Variants in NAALADL2 observed in about 807,000 individuals in gnomAD.
The protein encoded by NAALADL2 is N-acetylated alpha-linked acidic dipeptidase like 2, also known as inactive N-acetylated-alpha-linked acidic dipeptidase-like protein 2.
A neutral mutation model predicts 87.2 loss-of-function variants in NAALADL2; 76 were observed. The ratio of observed to expected loss-of-function variants is 0.87; its 90% CI spans 0.72 to 1.05. The LOEUF (loss-of-function observed/expected upper bound fraction) is 1.05. Among genes scored for constraint, NAALADL2 ranks in the 50% least tolerant of loss-of-function variants. The pLI is 0.00. For missense variants in NAALADL2, 1,089 were observed against 945.8 expected (o/e 1.15, Z -1.99); for synonymous variants, 354 against 331.0 (o/e 1.07, Z -0.75).
intron 3 of NAALADL2, among the ~76,000 whole-genome samples, chr3:174,840,395 T>A (rs1723885880): frequency 3.3e-5 from 5 of 152,132 alleles, no homozygotes; most frequent in Admixed American, 3.3e-4. Flanking sequence ...AGTCGGAAGA[T>A]AGGGTCATGT....
At chr3:175,673,295 C>T (rs887501163) in intron 11 of NAALADL2, among the ~76,000 whole-genome samples, 5 of 152,198 alleles carry the variant, frequency 3.3e-5, no homozygotes, top group African/African-American at 7.2e-5. Context: ...ATTGCTTTGC[C>T]TGCCAAATTA....
At chr3:174,903,741 G>A (rs1208626760) in intron 1 of NAALADL2, among the ~76,000 whole-genome samples, 1 of 151,902 alleles carries the variant, frequency 6.6e-6, no homozygotes. Flanking sequence ...AGGATGCAGT[G>A]TTCCCTGGAT....
At chr3:175,721,402 G>A (rs1239578754) in intron 11 of NAALADL2, among the ~76,000 whole-genome samples, 1 of 151,990 alleles carries the variant, frequency 6.6e-6, no homozygotes, top group Admixed American at 6.6e-5. Flanking sequence ...GTTGTAAATA[G>A]TTTAAAAATT....
intron 6 of NAALADL2, among the ~76,000 whole-genome samples, chr3:175,463,160 G>T (rs1723412995): frequency 1.3e-5 from 2 of 152,058 alleles, no homozygotes; most frequent in Non-Finnish European, 2.9e-5. Flanking sequence ...TCTATTTATG[G>T]CTCTGAGGTT....
chr3:174,465,770 T>C (rs1411883488), intron 1 of NAALADL2, among the ~76,000 whole-genome samples: 1 of 152,242 alleles, frequency 6.6e-6, no homozygotes, highest in East Asian at 1.9e-4. Flanking sequence ...ATTTTTTACT[T>C]GTGGTCTTAC....
At chr3:175,332,409 C>T (rs902743115) in intron 5 of NAALADL2, among the ~76,000 whole-genome samples, 1 of 152,120 alleles carries the variant, frequency 6.6e-6, no homozygotes, top group African/African-American at 2.4e-5. Context: ...ACAAGTGATC[C>T]TCCCACCTCA....
At chr3:175,200,466 C>T (rs1013799330) in intron 2 of NAALADL2, among the ~76,000 whole-genome samples, 1 of 152,070 alleles carries the variant, frequency 6.6e-6, no homozygotes, top group African/African-American at 2.4e-5. Flanking sequence ...GAATTAAATG[C>T]ACTGACAGAG....
intron 1 of NAALADL2, among the ~76,000 whole-genome samples, chr3:174,977,121 T>C (rs1194406139): frequency 6.6e-6 from 1 of 152,128 alleles, no homozygotes; most frequent in Non-Finnish European, 1.5e-5. Flanking sequence ...CTGTGCTAAA[T>C]GAAATAAGCC....
intron 1 of NAALADL2, among the ~76,000 whole-genome samples, chr3:175,047,492 T>G (rs1754828884): frequency 6.6e-6 from 1 of 152,210 alleles, no homozygotes; most frequent in African/African-American, 2.4e-5. Flanking sequence ...GGGGATTTTC[T>G]GATATTGAGA....
At chr3:175,274,367 A>G (rs1228646680) in intron 4 of NAALADL2, among the ~76,000 whole-genome samples, 1 of 152,246 alleles carries the variant, frequency 6.6e-6, no homozygotes, top group African/African-American at 2.4e-5. Flanking sequence ...TGAACAAACC[A>G]TATCACATTA....
At chr3:175,597,342 C>A (rs772393641) in intron 10 of NAALADL2, among the ~76,000 whole-genome samples, 5 of 151,948 alleles carry the variant, frequency 3.3e-5, no homozygotes, top group Non-Finnish European at 7.4e-5. Context: ...ATCAATACTG[C>A]AAGACCATGT....
chr3:175,760,476 G>C (rs1340177829), intron 13 of NAALADL2, among the ~76,000 whole-genome samples: 1 of 152,184 alleles, frequency 6.6e-6, no homozygotes, highest in Non-Finnish European at 1.5e-5. Flanking sequence ...ACTGAACTTG[G>C]TCAGCAATGG....
chr3:174,725,301 T>C (rs1732079172), intron 2 of NAALADL2, among the ~76,000 whole-genome samples: 1 of 152,168 alleles, frequency 6.6e-6, no homozygotes, highest in Non-Finnish European at 1.5e-5. Context: ...AGATTAGTAC[T>C]ACAAAATAAT....
intron 9 of NAALADL2, among the ~76,000 whole-genome samples, chr3:175,524,905 A>G (rs1733167003): frequency 6.6e-6 from 1 of 152,156 alleles, no homozygotes; most frequent in African/African-American, 2.4e-5. Context: ...CTAGCTACAT[A>G]AACTAATAAT....
chr3:174,882,520 CAT>C lies in NAALADL2; in HGVS notation c.43+23074_43+23075del, dbSNP rs1385756036. On this transcript the variant is annotated intron_variant, in intron 1 of 13. Transcript: ENST00000454872. ...ACATATATGTGTATATACATATGTG[CAT>C]ATACACATATATGCATACACACATA... Among the ~76,000 whole-genome samples the C allele has an allele frequency of 2.9e-4, 43 of 147,742 alleles. 1 individual carries two copies. Among genetic ancestry groups the C allele is most frequent in the African/African-American group, 8.4e-4 (33 of 39,164 alleles).
chr3:174,740,770 A>T (rs977193232), intron 3 of NAALADL2, among the ~76,000 whole-genome samples: 10 of 151,974 alleles, frequency 6.6e-5, no homozygotes, highest in Non-Finnish European at 1.5e-4. Flanking sequence ...TACAAAAGTA[A>T]TTAGAAATCA....
At chr3:174,698,718 G>T (rs1729258856) in intron 2 of NAALADL2, among the ~76,000 whole-genome samples, 1 of 134,412 alleles carries the variant, frequency 7.4e-6, no homozygotes, top group Non-Finnish European at 1.5e-5. Flanking sequence ...CAAAAAATTA[G>T]CCGGGCGTAG....
At chr3:175,394,681 G>T (rs1769531488) in intron 5 of NAALADL2, among the ~76,000 whole-genome samples, 1 of 152,106 alleles carries the variant, frequency 6.6e-6, no homozygotes, top group African/African-American at 2.4e-5. Flanking sequence ...CCCCTTATCT[G>T]CAGGGGATAT....
chr3:175,788,766 T>A (rs1428354158), intron 13 of NAALADL2, among the ~76,000 whole-genome samples: 2 of 152,060 alleles, frequency 1.3e-5, no homozygotes, highest in Non-Finnish European at 2.9e-5. Flanking sequence ...TAGAAAACAA[T>A]GTTGAAATCT....
Sources: allele counts gnomAD v4.1 joint callset (sites outside exome capture counted in the v4.1 genomes callset), GRCh38; gene constraint gnomAD v4.1.1; transcripts MANE v1.5; gene names NCBI Gene and HGNC (gene_info 2026-07-23, HGNC 2026-07-21).